The following LAMA2 variants were observed in gnomAD, a reference collection of about 807,000 sequenced individuals.
LAMA2 encodes laminin subunit alpha 2.
In LAMA2, 269 loss-of-function variants were observed where a neutral mutation model predicts 364.8. The ratio of observed to expected loss-of-function variants is 0.74; its 90% confidence interval spans 0.67 to 0.82. LAMA2 has a LOEUF of 0.82. Among genes scored for constraint, LAMA2 ranks in the 40% least tolerant of loss-of-function variants. The pLI, the probability that LAMA2 is intolerant of heterozygous loss-of-function variation, is 0.00. For missense variants in LAMA2, 3,807 were observed against 3,873.2 expected, an observed-to-expected ratio of 0.98 and a Z score of 0.45; for synonymous variants, 1,379 against 1,370.6, an observed-to-expected ratio of 1.01 and a Z score of -0.14.
intron 12 of LAMA2, among the ~76,000 whole-genome samples, chr6:129,197,393 G>A (rs1028394119): frequency 1.3e-5 from 2 of 152,146 alleles, no homozygotes; most frequent in Admixed American, 1.3e-4. Flanking sequence ...CTTAACTCAA[G>A]CTGACTTCAA....
intron 40 of LAMA2, among the ~76,000 whole-genome samples, chr6:129,410,002 T>A (rs1432465822): frequency 1.3e-5 from 2 of 152,124 alleles, no homozygotes; most frequent in African/African-American, 4.8e-5. Context: ...CCAGAGGCAA[T>A]AAGCACACTC....
At chr6:129,270,258 T>C (rs1028114959) in intron 16 of LAMA2, among the ~76,000 whole-genome samples, 2 of 144,430 alleles carry the variant, frequency 1.4e-5, no homozygotes, top group African/African-American at 5.4e-5. Context: ...TTATTAGTGC[T>C]CTATGACTAC....
At chr6:128,886,437 A>G (rs987381456) in intron 1 of LAMA2, among the ~76,000 whole-genome samples, 14 of 152,136 alleles carry the variant, frequency 9.2e-5, no homozygotes, top group African/African-American at 2.9e-4. Flanking sequence ...TATGGTGACA[A>G]AAAAGGTTGG....
intron 15 of LAMA2, among the ~76,000 whole-genome samples, chr6:129,263,552 G>A (rs1787285994): frequency 6.6e-6 from 1 of 152,132 alleles, no homozygotes; most frequent in African/African-American, 2.4e-5. Flanking sequence ...CTGGAAAGAA[G>A]GAGCGTGGCT....
intron 10 of LAMA2, among the ~76,000 whole-genome samples, chr6:129,181,030 A>C (rs1780895581): frequency 1.3e-5 from 2 of 152,148 alleles, no homozygotes; most frequent in African/African-American, 4.8e-5. Context: ...GCAAGCCTAC[A>C]GAGGCAGCTA....
At chr6:129,246,655 A>T (rs1373165293) in intron 12 of LAMA2, among the ~76,000 whole-genome samples, 1 of 152,148 alleles carries the variant, frequency 6.6e-6, no homozygotes, top group Non-Finnish European at 1.5e-5. Context: ...CTATCAAAAA[A>T]ACTGAAGTCA....
chr6:129,334,785 C>T (rs547184458), intron 29 of LAMA2, among the ~76,000 whole-genome samples: 69 of 152,240 alleles, frequency 4.5e-4, no homozygotes, highest in African/African-American at 1.3e-3. Context: ...TTTGTCTTCA[C>T]GTGTTGGAAG....
intron 1 of LAMA2, among the ~76,000 whole-genome samples, chr6:128,957,100 T>C (rs538587440): frequency 6.6e-6 from 1 of 152,290 alleles, no homozygotes; most frequent in South Asian, 2.1e-4. Context: ...GATTTGCCTT[T>C]ATTCTGTCAA....
intron 3 of LAMA2, among the ~76,000 whole-genome samples, chr6:129,079,725 A>C (rs1248278698): frequency 1.3e-5 from 2 of 152,132 alleles, no homozygotes; most frequent in South Asian, 2.1e-4. Context: ...CCCATGTAAA[A>C]TTTGAGAATC....
Position 129,427,781 on chromosome 6 carries a change from A to G in LAMA2, c.5895A>G (p.Glu1965=), listed in dbSNP as rs1399249453. 6.2e-7 allele frequency: 1 copy of G among 1,613,786 alleles called. No homozygotes were observed. Among genetic ancestry groups the G allele is most frequent in the East Asian group, 2.2e-5 (1 of 44,870 alleles). The change falls in exon 41 of 65, where the codon GAA becomes GAG. Residue 1965 remains glutamate, a synonymous_variant. Transcript: ENST00000421865. ...CAGGTCCTCGGGGTTTATTAAAGGA[A>G]GATGCCAAAGGCTGTCTTCAGAAAA... The part of the protein sequence containing the change: ...LATGPRGLLK[E]DAKGCLQKSF...
chr6:129,318,008 A>G (rs1255557579), intron 27 of LAMA2, among the ~76,000 whole-genome samples: 2 of 151,926 alleles, frequency 1.3e-5, no homozygotes, highest in South Asian at 2.1e-4. Context: ...ACTTTAGAAT[A>G]CATTTTTCCT....
intron 58 of LAMA2, among the ~76,000 whole-genome samples, chr6:129,497,211 A>T (rs1785255722): frequency 6.6e-6 from 1 of 151,776 alleles, no homozygotes; most frequent in Admixed American, 6.6e-5. Flanking sequence ...TATAATTTTC[A>T]CTTCTCACCA....
intron 40 of LAMA2, among the ~76,000 whole-genome samples, chr6:129,409,120 C>A (rs777150027): frequency 2.6e-5 from 4 of 152,212 alleles, no homozygotes; most frequent in Non-Finnish European, 5.9e-5. Context: ...CAAGCAAGTG[C>A]ACAACCAGGT....
At chr6:129,109,609 GGT>G (rs1355678390) in intron 4 of LAMA2, among the ~76,000 whole-genome samples, 4 of 2,612 alleles carry the variant, frequency 1.5e-3, no homozygotes, top group Non-Finnish European at 7.8e-3. Flanking sequence ...TAGAAACTAG[GGT>G]TTTTAAATGA....
At chr6:129,199,089 T>C (rs1320658992) in intron 12 of LAMA2, among the ~76,000 whole-genome samples, 2 of 152,114 alleles carry the variant, frequency 1.3e-5, no homozygotes, top group Non-Finnish European at 2.9e-5. Context: ...TGAACGTAGA[T>C]GAAAATATCC....
intron 8 of LAMA2, among the ~76,000 whole-genome samples, chr6:129,160,307 G>T (rs947605214): frequency 2.0e-5 from 3 of 151,932 alleles, no homozygotes; most frequent in African/African-American, 7.2e-5. Context: ...TTTAGGGAGG[G>T]TCAATTTTTG....
chr6:129,457,260 ACT>A (rs1358456064), intron 48 of LAMA2, among the ~76,000 whole-genome samples: 1 of 152,098 alleles, frequency 6.6e-6, no homozygotes, highest in African/African-American at 2.4e-5. Context: ...ACGAGATGTG[ACT>A]CTAAAGTATG....
rs751611511 is a variant in LAMA2, at chr6:129,353,193, G to A, written c.4553G>A (p.Gly1518Asp). 1.9e-6 allele frequency: 3 copies of A among 1,613,892 alleles called. No homozygotes were observed. The highest frequency in any genetic ancestry group is 2.5e-6 in the Non-Finnish European group (3 of 1,179,874). ...GCCCCTGGCTATACTGGCAGTCCAGGCAACCCTGGAGGCTCCTGCCAAGAA... is the reference window on the plus strand; with the variant it reads ...GCCCCTGGCTATACTGGCAGTCCAGACAACCCTGGAGGCTCCTGCCAAGAA... The part of the protein sequence containing the change: ...RCAPGYTGSP[G>D]NPGGSCQECE... The change falls in exon 32 of 65, where the codon GGC (glycine) becomes GAC (aspartate). Residue 1518 changes from glycine to aspartate, a missense_variant. By Grantham distance (94) the Gly-to-Asp change is moderately conservative. This residue lies in a region of LAMA2 where 3,333 missense variants were observed against 3,345.7 expected (regional missense o/e 1.00). Transcript: ENST00000421865.
intron 1 of LAMA2, among the ~76,000 whole-genome samples, chr6:128,891,866 C>A (rs1225139238): frequency 6.6e-6 from 1 of 152,030 alleles, no homozygotes; most frequent in Non-Finnish European, 1.5e-5. Flanking sequence ...TTAGTTTCCA[C>A]ATACAGTACT....
Sources: gnomAD v4.1 joint callset for allele counts (sites outside exome capture counted in the v4.1 genomes callset) on GRCh38, gnomAD v4.1.1 for gene constraint, gnomAD v4.1.1 regional missense constraint, MANE v1.5 for transcripts, NCBI Gene and HGNC (gene_info 2026-07-23, HGNC 2026-07-21) for gene names.